Variants in GCNT2 observed in about 807,000 individuals in gnomAD.
The protein encoded by GCNT2 is glucosaminyl (N-acetyl) transferase 2 (I blood group).
GCNT2 carries 34 observed loss-of-function variants against 34.2 expected under a neutral mutation model. The observed-to-expected ratio is 1.00, with a 90% CI of 0.76 to 1.32. The LOEUF is 1.32. GCNT2 is among the 40% of genes most tolerant of loss of function. The pLI is 0.00. For synonymous variants in GCNT2, 212 were observed against 188.0 expected, an observed-to-expected ratio of 1.13 and a Z score of -1.04; for missense variants, 584 against 489.4, an observed-to-expected ratio of 1.19 and a Z score of -1.82.
intron 3 of GCNT2, among the ~76,000 whole-genome samples, chr6:10,538,389 C>A (rs1581375389): frequency 1.9e-5 from 2 of 102,940 alleles, no homozygotes; most frequent in Admixed American, 3.2e-4. Context: ...GCCTGGGCGA[C>A]AAGAGTGAGA....
chr6:10,604,533 C>G (rs1375012576), intron 3 of GCNT2, among the ~76,000 whole-genome samples: 1 of 152,264 alleles, frequency 6.6e-6, no homozygotes, highest in East Asian at 1.9e-4. Flanking sequence ...AGACATAATA[C>G]TTGGTGCTTT....
At chr6:10,611,148 G>A (rs560558696) in intron 3 of GCNT2, among the ~76,000 whole-genome samples, 39 of 151,846 alleles carry the variant, frequency 2.6e-4, no homozygotes, top group African/African-American at 9.4e-4. Flanking sequence ...ACTTTGGGAG[G>A]CCAAGGTGGG....
At chr6:10,567,627 G>T (rs1473904488) in intron 3 of GCNT2, among the ~76,000 whole-genome samples, 2 of 152,152 alleles carry the variant, frequency 1.3e-5, no homozygotes, top group African/African-American at 4.8e-5. Context: ...TTTCTTGGAT[G>T]TATTGAACAG....
chr6:10,556,284 C>T (rs1275002224), intron 3 of GCNT2: 8 of 1,508,626 alleles, frequency 5.3e-6, no homozygotes, highest in African/African-American at 1.4e-5. Context: ...CGGGATGAAA[C>T]GGAATCGATT....
intron 3 of GCNT2, among the ~76,000 whole-genome samples, chr6:10,539,145 C>T (rs1761917891): frequency 7.0e-6 from 1 of 143,106 alleles, no homozygotes; most frequent in Admixed American, 7.1e-5. Flanking sequence ...ACAAACAGGC[C>T]TGAGTTTAAA....
At chr6:10,577,540 A>T (rs1763875424) in intron 3 of GCNT2, among the ~76,000 whole-genome samples, 1 of 151,842 alleles carries the variant, frequency 6.6e-6, no homozygotes, top group African/African-American at 2.4e-5. Flanking sequence ...TTTATTTTTT[A>T]TTTTATTTTA....
At chr6:10,612,619 G>A (rs541421162) in intron 3 of GCNT2, among the ~76,000 whole-genome samples, 1 of 152,190 alleles carries the variant, frequency 6.6e-6, no homozygotes, top group Non-Finnish European at 1.5e-5. Context: ...CATGTATTTA[G>A]TGGTTATGTA....
chr6:10,562,676 AAC>A (rs1198128759), intron 3 of GCNT2, among the ~76,000 whole-genome samples: 24 of 144,252 alleles, frequency 1.7e-4, no homozygotes, highest in East Asian at 8.2e-4. Context: ...AAAAAAAAAA[AAC>A]AAAAAAAAAC....
In GCNT2 at chr6:10,528,994, T is replaced by C; in HGVS notation, c.83T>C (p.Leu28Ser). The part of the protein sequence containing the change: ...LIFVFVYNTE[L>S]WENKRFLRAA... ...TTTGTATTTGTTTACAATACTGAGTTATGGGAGAATAAACGTTTTCTGAGG... is the reference window on the plus strand; with the variant it reads ...TTTGTATTTGTTTACAATACTGAGTCATGGGAGAATAAACGTTTTCTGAGG... Residue 28 changes from leucine to serine, a missense_variant, in exon 3 of 5, where the codon TTA becomes TCA. Physicochemically the swap from Leu to Ser is moderately radical, Grantham distance 145. Transcript: ENST00000495262. The C allele has an allele frequency of 3.7e-6, 6 of 1,613,930 alleles. No individual in the cohort carries two copies. Among genetic ancestry groups the C allele is most frequent in the South Asian group, 1.1e-5 (1 of 91,082 alleles).
At chr6:10,570,223 C>T (rs1012228525) in intron 3 of GCNT2, among the ~76,000 whole-genome samples, 3 of 152,210 alleles carry the variant, frequency 2.0e-5, no homozygotes, top group African/African-American at 2.4e-5. Context: ...GCATTAGCCA[C>T]GGCACCCAGC....
intron 3 of GCNT2, chr6:10,556,349 CAG>C (rs993335326): frequency 3.7e-6 from 6 of 1,604,512 alleles, no homozygotes; most frequent in Non-Finnish European, 4.2e-6. Context: ...AATAAGAACT[CAG>C]AGAAACGAGT....
intron 3 of GCNT2, among the ~76,000 whole-genome samples, chr6:10,551,413 A>AT (rs1762471495): frequency 6.7e-6 from 1 of 149,382 alleles, no homozygotes; most frequent in African/African-American, 2.5e-5. Flanking sequence ...TTTATTTTTT[A>AT]TTTTTTAATT....
chr6:10,588,304 G>A (rs1366682747), intron 3 of GCNT2, among the ~76,000 whole-genome samples: 3 of 152,170 alleles, frequency 2.0e-5, no homozygotes, highest in Admixed American at 6.5e-5. Context: ...TATTTTAAAC[G>A]CATGTAAATA....
intron 3 of GCNT2, among the ~76,000 whole-genome samples, chr6:10,544,068 C>G (rs954656942): frequency 6.6e-6 from 1 of 152,086 alleles, no homozygotes; most frequent in Non-Finnish European, 1.5e-5. Flanking sequence ...AATCCCAGAA[C>G]TTTGGGAGGC....
rs368878274 is a variant in GCNT2 at position 10,586,105 on chromosome 6, C to A, written c.926-35246C>A. 3.1e-6 allele frequency: 5 copies of A among 1,614,106 alleles called. No individual in the cohort carries two copies. The East Asian group carries it at 8.9e-5, about 29-fold the overall frequency. ...AAAAGTTATGAGAAGCTGAACAGTTCCAGTGAAAGGTATTTTAGGAAAACT... is the reference window on the plus strand; with the variant it reads ...AAAAGTTATGAGAAGCTGAACAGTTACAGTGAAAGGTATTTTAGGAAAACT... On this transcript the variant is annotated intron_variant, in intron 3 of 4. Coordinates refer to ENST00000495262, the MANE Select transcript of GCNT2 (RefSeq NM_145649.5).
intron 3 of GCNT2, among the ~76,000 whole-genome samples, chr6:10,563,775 AAAATATATAT>A (rs1384742404): frequency 0.013 from 400 of 30,434 alleles, 2 homozygotes; most frequent in Non-Finnish European, 0.018. Flanking sequence ...AAAAAAAAAA[AAAATATATAT>A]ATATATATAT....
At chr6:10,608,966 G>T (rs1313627404) in intron 3 of GCNT2, among the ~76,000 whole-genome samples, 1 of 152,192 alleles carries the variant, frequency 6.6e-6, no homozygotes, top group East Asian at 1.9e-4. Context: ...GAGAGCTCCT[G>T]GATGCCTAAA....
At chr6:10,596,386 T>TA (rs1251479966) in intron 3 of GCNT2, among the ~76,000 whole-genome samples, 2 of 152,066 alleles carry the variant, frequency 1.3e-5, no homozygotes, top group Admixed American at 1.3e-4. Context: ...CCAGGCGTGG[T>TA]GGTGCATGCC....
At chr6:10,555,124 G>A (rs1419898550) in intron 3 of GCNT2, among the ~76,000 whole-genome samples, 3 of 152,156 alleles carry the variant, frequency 2.0e-5, no homozygotes, top group African/African-American at 7.2e-5. Context: ...CATGGGGTGG[G>A]GTAGTGAACG....
Sources: allele counts gnomAD v4.1 joint callset (sites outside exome capture counted in the v4.1 genomes callset), GRCh38; gene constraint gnomAD v4.1.1; transcripts MANE v1.5; gene names NCBI Gene and HGNC (gene_info 2026-07-23, HGNC 2026-07-21).